FADS2: variants seen among roughly 807,000 people sequenced by gnomAD.
The protein encoded by FADS2 is fatty acid desaturase 2, also known as acyl-CoA 6-desaturase.
In FADS2, 18 loss-of-function variants were observed where a neutral mutation model predicts 61.2. The ratio of observed to expected loss-of-function variants is 0.29; its 90% CI spans 0.20 to 0.44. FADS2 has a LOEUF of 0.44. FADS2 is among the 20% of genes least tolerant of loss of function. The probability of loss-of-function intolerance (pLI) is 1.00; values close to 1 mark genes in which losing one functional copy is unlikely to be tolerated. For missense variants in FADS2, 322 were observed against 572.7 expected, an observed-to-expected ratio of 0.56 and a Z score of 4.47; for synonymous variants, 203 against 223.9, an observed-to-expected ratio of 0.91 and a Z score of 0.83.
chr11:61,846,039 TTTGA>T (rs2067256027), intron 4 of FADS2, among the ~76,000 whole-genome samples: 1 of 152,184 alleles, frequency 6.6e-6, no homozygotes. Flanking sequence ...GATTTTTCCA[TTTGA>T]TTCTTCCCAG....
intron 2 of FADS2, among the ~76,000 whole-genome samples, chr11:61,839,178 C>G (rs1354744354): frequency 6.6e-6 from 1 of 151,892 alleles, no homozygotes; most frequent in African/African-American, 2.4e-5. Flanking sequence ...GGACTCACAG[C>G]CCCCTCCTGC....
intron 5 of FADS2, 77 bp from the exon 6 acceptor site, chr11:61,856,934 C>A: frequency 8.9e-7 from 1 of 1,127,454 alleles, no homozygotes; most frequent in Non-Finnish European, 1.4e-6. Context: ...GGGATGGTGG[C>A]TGCAGGATGG....
chr11:61,853,395 T>A (rs1372872670), intron 5 of FADS2, among the ~76,000 whole-genome samples: 2 of 151,620 alleles, frequency 1.3e-5, no homozygotes, highest in Non-Finnish European at 2.9e-5. Context: ...AGCTCCACTC[T>A]GTTTTCTGCT....
In FADS2 at chr11:61,856,616, A is replaced by C. The variant is rs1349137644; in HGVS notation, c.745-395A>C. ...TCCGCCGAGAGTTGCTCTGTTGCAC[A>C]TTCATTCAACAAACATTTGTTTAGT... On this transcript the variant is annotated intron_variant, in intron 5 of 11. Transcript: ENST00000278840. The C allele has an allele frequency of 4.3e-5, 8 of 186,032 alleles. No individual in the cohort carries two copies. In the Admixed American group the frequency reaches 4.8e-4, roughly 11 times the overall value. The allele number at this position is 186,032 out of a possible 1,614,324, so 11.5% of individuals were successfully genotyped here.
upstream of FADS2, among the ~76,000 whole-genome samples, chr11:61,823,659 G>A (rs1339646032): frequency 1.3e-5 from 2 of 152,156 alleles, no homozygotes; most frequent in African/African-American, 4.8e-5. Flanking sequence ...TGGGACTATA[G>A]GCATGCACCA....
intron 1 of FADS2, among the ~76,000 whole-genome samples, chr11:61,835,995 T>G (rs2067171096): frequency 6.6e-6 from 1 of 152,248 alleles, no homozygotes; most frequent in Non-Finnish European, 1.5e-5. Flanking sequence ...CTGGTCCATA[T>G]TCATTTTTTC....
chr11:61,860,409 T>C (rs174611), intron 7 of FADS2, among the ~76,000 whole-genome samples: 31,314 of 152,236 alleles, frequency 0.21, 4,049 homozygotes, highest in Middle Eastern at 0.33. Flanking sequence ...ACGTCCTGGA[T>C]CCTGAGATGC....
Position 61,816,590 on chromosome 11 carries a change from G to C in FADS2, c.141+164G>C. On this transcript the variant is annotated intron_variant, in intron 1 of 11. Transcript: ENST00000257261. This position sits in a 1 kb window ranked among gnomAD's most constrained non-coding sequence, Gnocchi z 7.0. ...TGCCCGGCGTAGTGGCTGATGACCC[G>C]GGAGCCCCCTGGATGCCGGCGGGTG... is the stretch of plus-strand genomic sequence containing the variant. The C allele has an allele frequency of 6.2e-7, 1 of 1,609,604 alleles. No homozygotes were observed. Among genetic ancestry groups the C allele is most frequent in the Non-Finnish European group, 8.5e-7 (1 of 1,178,748 alleles).
chr11:61,851,621 C>T (rs2067307829), intron 5 of FADS2, among the ~76,000 whole-genome samples: 1 of 152,240 alleles, frequency 6.6e-6, no homozygotes, highest in Non-Finnish European at 1.5e-5. Flanking sequence ...GGACTTGTCA[C>T]ATGCCAGTCC....
intron 4 of FADS2, among the ~76,000 whole-genome samples, chr11:61,843,562 C>T (rs762340520): frequency 1.3e-5 from 2 of 152,146 alleles, no homozygotes; most frequent in African/African-American, 2.4e-5. Flanking sequence ...GTAAGGCACT[C>T]GCTTAGGGTA....
At chr11:61,856,763 G>A in intron 5 of FADS2, 2 of 528,156 alleles carry the variant, frequency 3.8e-6, no homozygotes, top group Non-Finnish European at 6.7e-6. Flanking sequence ...CCTTGTAGAG[G>A]ATCGATGCCA....
intron 1 of FADS2, among the ~76,000 whole-genome samples, chr11:61,835,560 ATT>A (rs57778794): frequency 1.7e-4 from 24 of 138,958 alleles, no homozygotes; most frequent in Admixed American, 1.4e-4. Flanking sequence ...CACCTGGCTA[ATT>A]TTTTTTTTTT....
At chr11:61,839,575 G>A (rs139957766) in intron 2 of FADS2, among the ~76,000 whole-genome samples, 5,234 of 152,144 alleles carry the variant, frequency 0.034, 165 homozygotes, top group Admixed American at 0.11. Flanking sequence ...TGCCTGCCTC[G>A]GCCACCCAAA....
chr11:61,820,408 C>T (rs2067028488), intron 1 of FADS2, among the ~76,000 whole-genome samples: 1 of 152,100 alleles, frequency 6.6e-6, no homozygotes, highest in Non-Finnish European at 1.5e-5. Context: ...ATTCATCTTA[C>T]TCAGGATTTA....
At chr11:61,842,819 T>C (rs576191992) in intron 4 of FADS2, among the ~76,000 whole-genome samples, 3 of 152,312 alleles carry the variant, frequency 2.0e-5, no homozygotes, top group South Asian at 2.1e-4. Flanking sequence ...ACAAATCTTG[T>C]AGGTCTGTGT....
At chr11:61,831,713 A>G (rs1001019042) in intron 1 of FADS2, among the ~76,000 whole-genome samples, 27 of 152,108 alleles carry the variant, frequency 1.8e-4, no homozygotes, top group Admixed American at 6.5e-4. Context: ...GGCATCTCTC[A>G]CTGCTCTGAG....
chr11:61,850,265 T>A (rs2067294455), intron 5 of FADS2, among the ~76,000 whole-genome samples: 1 of 152,142 alleles, frequency 6.6e-6, no homozygotes, highest in African/African-American at 2.4e-5. Flanking sequence ...TTTCTTTTTT[T>A]TTTGAGACAG....
intron 7 of FADS2, among the ~76,000 whole-genome samples, chr11:61,860,189 A>G (rs2067401060): frequency 1.3e-5 from 2 of 152,228 alleles, no homozygotes; most frequent in Non-Finnish European, 2.9e-5. Flanking sequence ...TGCTACTGGC[A>G]TCTGGTGGGC....
upstream of FADS2, among the ~76,000 whole-genome samples, chr11:61,824,612 ATACTGTAGCG>A (rs2067068144): frequency 6.6e-6 from 1 of 152,116 alleles, no homozygotes. Context: ...TGGGAAAGGA[ATACTGTAGCG>A]GTCTGTAATT....
Sources: gnomAD v4.1 joint callset for allele counts (sites outside exome capture counted in the v4.1 genomes callset) on GRCh38, gnomAD v4.1.1 for gene constraint, Gnocchi (gnomAD v3.1) non-coding constraint, MANE v1.5 for transcripts, NCBI Gene and HGNC (gene_info 2026-07-23, HGNC 2026-07-21) for gene names.